Variants in NDST4 observed in about 807,000 individuals in gnomAD.
The protein encoded by NDST4 is N-heparan sulfate sulfotransferase 4.
NDST4 carries 63 observed loss-of-function variants against 100.8 expected under a neutral mutation model. The ratio of observed to expected loss-of-function variants is 0.62; its 90% CI spans 0.51 to 0.77. The LOEUF is 0.77. Ranked by LOEUF, NDST4 falls within the 30% of genes least tolerant of loss-of-function variation. The probability of loss-of-function intolerance (pLI) is 0.00; values close to 1 mark genes in which losing one functional copy is unlikely to be tolerated. For missense variants in NDST4, 943 were observed against 1,018.4 expected, an observed-to-expected ratio of 0.93 and a Z score of 1.01; for synonymous variants, 377 against 361.8, an observed-to-expected ratio of 1.04 and a Z score of -0.48.
intron 6 of NDST4, among the ~76,000 whole-genome samples, chr4:114,911,927 C>A (rs1365362344): frequency 6.6e-6 from 1 of 152,102 alleles, no homozygotes; most frequent in Non-Finnish European, 1.5e-5. Flanking sequence ...GAAGAATATA[C>A]AACATCAACT....
At chr4:115,086,717 T>C (rs1729416767) in intron 1 of NDST4, among the ~76,000 whole-genome samples, 1 of 152,108 alleles carries the variant, frequency 6.6e-6, no homozygotes, top group South Asian at 2.1e-4. Flanking sequence ...GAAATATGTA[T>C]AGTGCCTATT....
Position 115,077,360 on chromosome 4 carries a change from C to A in NDST4, c.-246-78G>T, listed in dbSNP as rs503229. ...TTATTTCTATATAAATGCTGATGCT[C>A]AAGAAACATATATAGCAATGATAAT... On this transcript the variant is annotated intron_variant, in intron 1 of 13. Coordinates refer to ENST00000264363, the MANE Select transcript of NDST4 (RefSeq NM_022569.3). 2.2e-3 allele frequency: 364 copies of A among 163,544 alleles called. 2 individuals carry two copies. The highest frequency in any genetic ancestry group is 8.5e-3 in the African/African-American group (352 of 41,636). The allele number at this position is 163,544 out of a possible 1,614,324, so 10.1% of individuals were successfully genotyped here.
intron 2 of NDST4, among the ~76,000 whole-genome samples, chr4:115,017,285 A>C (rs2126263229): frequency 6.6e-6 from 1 of 152,192 alleles, no homozygotes; most frequent in Non-Finnish European, 1.5e-5. Flanking sequence ...TGGATTGCTA[A>C]GGATTCTCTT....
At chr4:114,929,105 C>CATCTATCCATCTATCCATCT (rs1250707329) in intron 6 of NDST4, among the ~76,000 whole-genome samples, 3 of 121,906 alleles carry the variant, frequency 2.5e-5, no homozygotes, top group South Asian at 2.4e-4. Context: ...TCCATCCATC[C>CATCTATCCATCTATCCATCT]ATCCATCCAT....
Position 114,848,273 on chromosome 4 carries a change from T to C in NDST4, c.1882A>G (p.Lys628Glu), listed in dbSNP as rs1723597365. The change falls in exon 9 of 14, where the codon AAG becomes GAG. Residue 628 changes from lysine (K) to glutamate (E), a missense_variant. Lys to Glu is a moderately conservative substitution (Grantham distance 56). Coordinates refer to ENST00000264363, the MANE Select transcript of NDST4 (RefSeq NM_022569.3). ...AAGAACTGAACTTCCTCAAATGTCTTTGGACTAGGGAGATTGCTGATGATT... is the reference window on the plus strand; with the variant it reads ...AAGAACTGAACTTCCTCAAATGTCTCTGGACTAGGGAGATTGCTGATGATT... Reference protein sequence around the residue: ...PSIISNLPSPKTFEEVQFFNG... With the variant: ...PSIISNLPSPETFEEVQFFNG... The C allele has an allele frequency of 6.2e-7, 1 of 1,610,730 alleles. No homozygotes were observed. The highest frequency in any genetic ancestry group is 8.5e-7 in the Non-Finnish European group (1 of 1,178,096).
At chr4:115,067,466 A>G (rs1728973623) in intron 2 of NDST4, among the ~76,000 whole-genome samples, 1 of 152,142 alleles carries the variant, frequency 6.6e-6, no homozygotes, top group Non-Finnish European at 1.5e-5. Context: ...TAACGTTCAT[A>G]GGATAAATAA....
At chr4:115,066,280 A>T (rs1728944481) in intron 2 of NDST4, among the ~76,000 whole-genome samples, 3 of 152,166 alleles carry the variant, frequency 2.0e-5, no homozygotes, top group Admixed American at 2.0e-4. Flanking sequence ...CTTTTATACA[A>T]TTTTGGCAAT....
intron 11 of NDST4, among the ~76,000 whole-genome samples, chr4:114,835,000 T>C (rs1723280001): frequency 6.6e-6 from 1 of 152,184 alleles, no homozygotes; most frequent in Admixed American, 6.5e-5. Context: ...TCTTCTCTCT[T>C]TTCTTCTTCA....
At chr4:114,978,799 A>C (rs953428643) in intron 2 of NDST4, among the ~76,000 whole-genome samples, 1 of 151,878 alleles carries the variant, frequency 6.6e-6, no homozygotes, top group African/African-American at 2.4e-5. Context: ...TCACCACTCC[A>C]ATTTCATCCA....
rs1484502087 is a variant in NDST4, at chr4:114,837,181, TGGA to T, written c.2286+2194_2286+2196del. On this transcript the variant is annotated intron_variant, in intron 11 of 13. Coordinates refer to ENST00000264363, the MANE Select transcript of NDST4 (RefSeq NM_022569.3). ...TTGCTGGAGAGGAGTTGCAATCATTTGGAGGAGAAGAGGCATTCTGGTTTTTGA... is the reference window on the plus strand; with the variant it reads ...TTGCTGGAGAGGAGTTGCAATCATTTGGAGAAGAGGCATTCTGGTTTTTGA... Among the ~76,000 whole-genome samples the T allele has an allele frequency of 8.3e-4, 126 of 152,110 alleles. 3 individuals carry two copies. The highest frequency in any genetic ancestry group is 8.1e-3 in the Admixed American group (123 of 15,270).
At chr4:114,848,872 C>T (rs1232997699) in intron 8 of NDST4, among the ~76,000 whole-genome samples, 4 of 152,100 alleles carry the variant, frequency 2.6e-5, no homozygotes, top group Non-Finnish European at 5.9e-5. Context: ...TGGACTTGGA[C>T]AAGTACACAA....
chr4:115,062,018 C>A (rs142778013), intron 2 of NDST4, among the ~76,000 whole-genome samples: 5 of 151,550 alleles, frequency 3.3e-5, no homozygotes, highest in Admixed American at 3.3e-4. Context: ...AAGGAAAAAG[C>A]AAACATTGAA....
intron 2 of NDST4, among the ~76,000 whole-genome samples, chr4:114,992,077 T>A (rs899223844): frequency 6.6e-6 from 1 of 151,968 alleles, no homozygotes; most frequent in Non-Finnish European, 1.5e-5. Flanking sequence ...TTGCATTATA[T>A]GTTAGTATGG....
At chr4:114,856,345 G>A (rs1303350089) in intron 7 of NDST4, among the ~76,000 whole-genome samples, 3 of 152,066 alleles carry the variant, frequency 2.0e-5, no homozygotes, top group Non-Finnish European at 4.4e-5. Flanking sequence ...ATTAGCATGA[G>A]CCACTGTGCC....
chr4:114,887,166 C>T (rs896203587), intron 6 of NDST4, among the ~76,000 whole-genome samples: 4 of 152,098 alleles, frequency 2.6e-5, no homozygotes, highest in African/African-American at 9.7e-5. Context: ...AATTCAAAAT[C>T]AGGTTTTAAA....
intron 6 of NDST4, among the ~76,000 whole-genome samples, chr4:114,894,364 A>T (rs964049232): frequency 2.6e-5 from 4 of 152,184 alleles, no homozygotes; most frequent in Non-Finnish European, 2.9e-5. Context: ...GATTCTTCAT[A>T]TCCATGAGTA....
At chr4:114,969,321 G>GAAAAAAAAA (rs70964334) in intron 4 of NDST4, among the ~76,000 whole-genome samples, 1 of 90,720 alleles carries the variant, frequency 1.1e-5, no homozygotes, top group East Asian at 3.6e-4. Flanking sequence ...CTCAAAAAAA[G>GAAAAAAAAA]AAAAAAAAAA....
rs1729180291 is a variant in NDST4, at chr4:115,076,282, A to G, written c.755T>C (p.Leu252Pro). The G allele has an allele frequency of 6.2e-7, 1 of 1,614,004 alleles. No homozygotes were observed. The highest frequency in any genetic ancestry group is 1.3e-5 in the African/African-American group (1 of 75,058). The change falls in exon 2 of 14, where the codon CTC becomes CCC. Residue 252 changes from leucine to proline, a missense_variant. By Grantham distance (98) the Leu-to-Pro change is moderately conservative. This residue lies in a region of NDST4 where 417 missense variants were observed against 384.2 expected (regional missense o/e 1.09). Coordinates refer to ENST00000264363, the MANE Select transcript of NDST4 (RefSeq NM_022569.3). ...KSLSSLSSKT[L>P]FATVIQDLGL... ...CAGATCCTGAATCACCGTTGCAAAGAGTGTTTTGCTAGACAAGGATGACAG... is the reference window on the plus strand; with the variant it reads ...CAGATCCTGAATCACCGTTGCAAAGGGTGTTTTGCTAGACAAGGATGACAG...
chr4:114,869,177 T>G (rs897471017), intron 7 of NDST4, among the ~76,000 whole-genome samples: 2 of 151,600 alleles, frequency 1.3e-5, no homozygotes, highest in Admixed American at 1.3e-4. Context: ...GTCACTGATA[T>G]CCAAACATAT....
Sources: gnomAD v4.1 joint callset for allele counts (sites outside exome capture counted in the v4.1 genomes callset) on GRCh38, gnomAD v4.1.1 for gene constraint, gnomAD v4.1.1 regional missense constraint, MANE v1.5 for transcripts, NCBI Gene and HGNC (gene_info 2026-07-23, HGNC 2026-07-21) for gene names.